The following IRX2 variants were observed in gnomAD, a reference collection of about 807,000 sequenced individuals.
The protein encoded by IRX2 is iroquois-class homeodomain protein IRX-2.
In IRX2, 26 loss-of-function variants were observed where a neutral mutation model predicts 42.9. That is an observed-to-expected ratio of 0.61 (90% CI 0.44 to 0.84). The LOEUF (loss-of-function observed/expected upper bound fraction) is 0.84, where lower values mean the gene tolerates loss of function less well. Among genes scored for constraint, IRX2 ranks in the 40% least tolerant of loss-of-function variants. The probability of loss-of-function intolerance (pLI) is 0.00; values close to 1 mark genes in which losing one functional copy is unlikely to be tolerated. For missense variants in IRX2, 782 were observed against 713.9 expected (o/e 1.10, Z -1.09); for synonymous variants, 424 against 353.9 (o/e 1.20, Z -2.22).
chr5:2,741,162 C>G (rs560343225), downstream of IRX2, among the ~76,000 whole-genome samples: 48 of 152,376 alleles, frequency 3.2e-4, no homozygotes, highest in African/African-American at 1.1e-3. Context: ...CTCCCCGAAG[C>G]CCACCTTTCC....
the IRX2 span, among the ~76,000 whole-genome samples, chr5:2,736,160 T>G: frequency 6.6e-6 from 1 of 152,280 alleles, no homozygotes; most frequent in Non-Finnish European, 1.5e-5. Flanking sequence ...CACCTTGGCA[T>G]TTACTCTTCC....
At chr5:2,739,937 T>A in the IRX2 span, among the ~76,000 whole-genome samples, 1 of 152,056 alleles carries the variant, frequency 6.6e-6, no homozygotes, top group African/African-American at 2.4e-5. Flanking sequence ...GGAAGGGGAC[T>A]GAAGCCCGGG....
rs775726682 is a variant in IRX2 at position 2,751,249 on chromosome 5, C to A, written c.165G>T (p.Thr55=). The A allele has an allele frequency of 2.4e-5, 34 of 1,400,458 alleles. No homozygotes were observed. The African/African-American group carries it at 4.8e-4, about 20-fold the overall frequency. The allele number at this position is 1,400,458 out of a possible 1,614,324, so 86.8% of individuals were successfully genotyped here. A position where few individuals can be genotyped will look rare whatever the true frequency, so the allele number is the denominator to read the frequency against. The change falls in exon 1 of 4, where the codon ACG becomes ACT. Residue 55 remains threonine, a synonymous_variant. Transcript: ENST00000302057. The surrounding 1 kb of genome is among the most constrained non-coding windows in gnomAD (Gnocchi z 4.0). ...FSPYPGSAAF[T]AQAATGFGSP... ...TCCCGAAGCCGGTGGCCGCCTGCGC[C>A]GTGAAGGCCGCCGAGCCCGGGTAGG...
In IRX2 at chr5:2,749,204, C is replaced by G. The variant is rs1455544071; in HGVS notation, c.656-152G>C. The G allele has an allele frequency of 9.6e-6, 14 of 1,455,278 alleles. No homozygotes were observed. The South Asian group carries it at 1.4e-4, about 14-fold the overall frequency. The allele number at this position is 1,455,278 out of a possible 1,614,324, so 90.1% of individuals were successfully genotyped here. A position where few individuals can be genotyped will look rare whatever the true frequency, so the allele number is the denominator to read the frequency against. ...CGTGACAGGCGGAGCCTGACCTCCC[C>G]GGGAAGGGCCCGAGGAATCGCTCGC... On this transcript the variant is annotated intron_variant, in intron 2 of 3. Coordinates refer to ENST00000302057, the MANE Select transcript of IRX2 (RefSeq NM_033267.5).
Position 2,751,322 on chromosome 5 carries a change from G to T in IRX2, c.92C>A (p.Pro31Gln). 6.9e-7 allele frequency: 1 copy of T among 1,438,896 alleles called. No homozygotes were observed. The highest frequency in any genetic ancestry group is 9.1e-7 in the Non-Finnish European group (1 of 1,096,548). The allele number at this position is 1,438,896 out of a possible 1,614,324, so 89.1% of individuals were successfully genotyped here. A position where few individuals can be genotyped will look rare whatever the true frequency, so the allele number is the denominator to read the frequency against. Residue 31 changes from proline to glutamine, a missense_variant, in exon 1 of 4, where the codon CCG becomes CAG. Pro to Gln is a moderately conservative substitution (Grantham distance 76). Around this residue, in one of 3 missense-constraint regions of IRX2, gnomAD observed 256 missense variants for 250.0 expected, o/e 1.02. Transcript: ENST00000302057. This position sits in a 1 kb window ranked among gnomAD's most constrained non-coding sequence, Gnocchi z 4.0. ...PAYGASALAA[P>Q]RSEELARSAS... The stretch of plus-strand genomic sequence containing the variant: ...CGAGCGCGCCAGCTCCTCGCTGCGC[G>T]GAGCCGCCAAAGCCGACGCGCCGTA...
Position 2,751,352 on chromosome 5 carries a change from G to T in IRX2, c.62C>A (p.Pro21Gln). 7.0e-7 allele frequency: 1 copy of T among 1,437,706 alleles called. No individual in the cohort carries two copies. The allele number at this position is 1,437,706 out of a possible 1,614,324, so 89.1% of individuals were successfully genotyped here. The change falls in exon 1 of 4, where the codon CCG (proline) becomes CAG (glutamine). Residue 21 changes from proline (P) to glutamine (Q), a missense_variant. Pro to Gln is a moderately conservative substitution (Grantham distance 76, BLOSUM62 -1). Around this residue, in one of 3 missense-constraint regions of IRX2, gnomAD observed 256 missense variants for 250.0 expected, o/e 1.02. Coordinates refer to ENST00000302057, the MANE Select transcript of IRX2 (RefSeq NM_033267.5). This position sits in a 1 kb window ranked among gnomAD's most constrained non-coding sequence, Gnocchi z 4.0. ...CGCCAAAGCCGACGCGCCGTAGGCC[G>T]GGCACGAGTAGAGCGCCAGCGAGCC... ...APGSLALYSC[P>Q]AYGASALAAP...
downstream of IRX2, among the ~76,000 whole-genome samples, chr5:2,744,040 T>C (rs1019870968): frequency 1.3e-5 from 2 of 151,622 alleles, no homozygotes; most frequent in South Asian, 2.1e-4. Flanking sequence ...TTTTCACCAA[T>C]TGAAATATGC....
downstream of IRX2, chr5:2,745,726 T>C (rs981764518): frequency 3.3e-5 from 5 of 151,042 alleles, no homozygotes; most frequent in South Asian, 8.3e-4. Flanking sequence ...AAAAAAACAA[T>C]TATTTCCATC....
the IRX2 span, among the ~76,000 whole-genome samples, chr5:2,737,559 T>A: frequency 3.9e-5 from 6 of 152,188 alleles, no homozygotes; most frequent in Middle Eastern, 6.8e-3. Flanking sequence ...CACTAGCAGG[T>A]CTCGAGTGCT....
Position 2,751,252 on chromosome 5 carries a change from GA to G in IRX2, c.161del (p.Phe54SerfsTer41). Reference protein sequence around the residue: ...AFSPYPGSAAFTAQAATGFGS... With the variant: ...AFSPYPGSAAXTAQAATGFGS... ...CGAAGCCGGTGGCCGCCTGCGCCGT[GA>G]AGGCCGCCGAGCCCGGGTAGGGGCT... On this transcript the variant is annotated frameshift_variant, in exon 1 of 4. Transcript: ENST00000302057. LOFTEE classifies it high-confidence loss of function. This position sits in a 1 kb window ranked among gnomAD's most constrained non-coding sequence, Gnocchi z 4.0. 1.4e-6 allele frequency: 2 copies of G among 1,402,940 alleles called. No individual in the cohort carries two copies. The highest frequency in any genetic ancestry group is 9.3e-7 in the Non-Finnish European group (1 of 1,077,618). The allele number at this position is 1,402,940 out of a possible 1,614,324, so 86.9% of individuals were successfully genotyped here.
chr5:2,743,231 C>T (rs1737580940), downstream of IRX2, among the ~76,000 whole-genome samples: 1 of 152,230 alleles, frequency 6.6e-6, no homozygotes, highest in Admixed American at 6.5e-5. Flanking sequence ...TCTCCGCTCC[C>T]CGCCCCTCCT....
downstream of IRX2, among the ~76,000 whole-genome samples, chr5:2,743,864 G>A (rs1737599394): frequency 7.9e-5 from 12 of 152,220 alleles, no homozygotes; most frequent in South Asian, 2.5e-3. Flanking sequence ...CTAAACACCT[G>A]CAGGTTTTAG....
chr5:2,746,052 GT>G (rs1420553305), downstream of IRX2: 1 of 148,794 alleles, frequency 6.7e-6, no homozygotes. Context: ...AGAAAGGAGA[GT>G]TTATTTCACA....
At chr5:2,748,277 G>C (rs929271035) in intron 3 of IRX2, 68 bp downstream of exon 3, 21 of 1,323,692 alleles carry the variant, frequency 1.6e-5, no homozygotes, top group Non-Finnish European at 2.0e-5. Flanking sequence ...CGGGTCTCCC[G>C]GGCGCTCCGC....
chr5:2,742,449 T>TC (rs1256728246), downstream of IRX2, among the ~76,000 whole-genome samples: 1 of 152,212 alleles, frequency 6.6e-6, no homozygotes, highest in African/African-American at 2.4e-5. Flanking sequence ...AAGGGACATG[T>TC]CCCCCTTGCG....
rs1737942023 is a variant in IRX2 at position 2,751,021 on chromosome 5, G to A, written c.249+144C>T. The A allele has an allele frequency of 1.7e-5, 17 of 981,074 alleles. No individual in the cohort carries two copies. The highest frequency in any genetic ancestry group is 2.2e-5 in the Non-Finnish European group (17 of 779,750). The allele number at this position is 981,074 out of a possible 1,614,324, so 60.8% of individuals were successfully genotyped here. Reference sequence around the variant, plus strand: ...CGGGGCCCGGCTCAGCCTGCGGGGCGGCCAACCGAGCCGGCGACTCCTGAG... The same window carrying A: ...CGGGGCCCGGCTCAGCCTGCGGGGCAGCCAACCGAGCCGGCGACTCCTGAG... On this transcript the variant is annotated intron_variant, in intron 1 of 3. Coordinates refer to ENST00000302057, the MANE Select transcript of IRX2 (RefSeq NM_033267.5). This position sits in a 1 kb window ranked among gnomAD's most constrained non-coding sequence, Gnocchi z 4.0.
the IRX2 span, among the ~76,000 whole-genome samples, chr5:2,738,838 GC>G: frequency 6.6e-6 from 1 of 152,226 alleles, no homozygotes. Flanking sequence ...CCCAGTCAGG[GC>G]CGCCAGAGGT....
Position 2,748,652 on chromosome 5 carries a change from C to G in IRX2, c.1056G>C (p.Pro352=). 1 of 1,386,430 alleles carries G rather than the reference C, an allele frequency of 7.2e-7. No homozygotes were observed. The highest frequency in any genetic ancestry group is 9.3e-7 in the Non-Finnish European group (1 of 1,073,230). 85.9% of individuals were successfully genotyped at this position (1,386,430 alleles called of 1,614,324 possible). ...QPSLGPGCGP[P]GLPAAAAPAS... is the part of the protein sequence containing the mutation. Reference sequence around the variant, plus strand: ...CCGGCGCGGCGGCCGCGGGCAGCCCCGGTGGCCCGCAGCCCGGGCCCAGGC... The same window carrying G: ...CCGGCGCGGCGGCCGCGGGCAGCCCGGGTGGCCCGCAGCCCGGGCCCAGGC... Residue 352 remains proline, a synonymous_variant, in exon 3 of 4, where the codon CCG becomes CCC. Transcript: ENST00000302057.
In IRX2 at chr5:2,748,889, G is replaced by C. The variant is rs772873470; in HGVS notation, c.819C>G (p.Gly273=). ...GCTTGGGCGGCGCCAGGCCCCGCTCGCCCTCCTCGTCGTCGTCCTCGTCGT... is the reference window on the plus strand; with the variant it reads ...GCTTGGGCGGCGCCAGGCCCCGCTCCCCCTCCTCGTCGTCGTCCTCGTCGT... ...LEDDEDDDEE[G]ERGLAPPKPV... The change falls in exon 3 of 4, where the codon GGC becomes GGG. Residue 273 remains glycine (G), a synonymous_variant. Transcript: ENST00000302057. 3.8e-6 allele frequency: 6 copies of C among 1,595,316 alleles called. No homozygotes were observed. The highest frequency in any genetic ancestry group is 4.2e-6 in the Non-Finnish European group (5 of 1,178,912).
Sources: allele counts gnomAD v4.1 joint callset (sites outside exome capture counted in the v4.1 genomes callset), GRCh38; gene constraint gnomAD v4.1.1; regional missense constraint gnomAD v4.1.1; non-coding constraint Gnocchi (gnomAD v3.1); transcripts MANE v1.5; gene names NCBI Gene and HGNC (gene_info 2026-07-23, HGNC 2026-07-21).